USP43: variants seen among roughly 807,000 people sequenced by gnomAD.
USP43 encodes the protein ubiquitin specific peptidase 43, also known as ubiquitin carboxyl-terminal hydrolase 43.
Under a neutral mutation model 90.7 loss-of-function variants are expected in USP43, and 33 were observed. That is an observed-to-expected ratio of 0.36 (90% CI 0.28 to 0.49). The LOEUF (loss-of-function observed/expected upper bound fraction) is 0.49. USP43 is among the 20% of genes least tolerant of loss of function. The pLI, the probability that USP43 is intolerant of heterozygous loss-of-function variation, is 0.98. For missense variants in USP43, 1,274 were observed against 1,476.4 expected (o/e 0.86, Z 2.25); for synonymous variants, 598 against 615.8 (o/e 0.97, Z 0.43).
chr17:9,651,332 C>T (rs1280816511), intron 1 of USP43, among the ~76,000 whole-genome samples: 1 of 152,136 alleles, frequency 6.6e-6, no homozygotes, highest in Non-Finnish European at 1.5e-5. Context: ...GCTGGGACTA[C>T]AGGCGCGCGC....
chr17:9,672,700 C>T (rs187723521), intron 3 of USP43, among the ~76,000 whole-genome samples: 10 of 152,268 alleles, frequency 6.6e-5, no homozygotes, highest in Admixed American at 6.5e-4. Flanking sequence ...TGATACAATG[C>T]TTTCAACAAA....
chr17:9,664,994 T>C (rs965536464), intron 2 of USP43, among the ~76,000 whole-genome samples: 1 of 152,202 alleles, frequency 6.6e-6, no homozygotes, highest in African/African-American at 2.4e-5. Flanking sequence ...TGAGTGGCTT[T>C]GATTCTGGGA....
chr17:9,650,748 C>T (rs751481481), intron 1 of USP43, among the ~76,000 whole-genome samples: 10 of 152,130 alleles, frequency 6.6e-5, no homozygotes, highest in Non-Finnish European at 1.2e-4. Flanking sequence ...TGGCAATTTT[C>T]AGGTATATAA....
Position 9,674,912 on chromosome 17 carries a change from C to G in USP43, c.762C>G (p.His254Gln), listed in dbSNP as rs1913666040. ...AQYRSSLTCP[H>Q]CLKQSNTFDP... The stretch of plus-strand genomic sequence containing the variant: ...ACAGATCTTCCTTGACTTGTCCCCA[C>G]TGCCTGAAACAGAGCAACACCTTTG... The change falls in exon 4 of 15, where the codon CAC becomes CAG. Residue 254 changes from histidine (H) to glutamine (Q), a missense_variant. His to Gln is a conservative substitution (Grantham distance 24). This residue lies in a region of USP43 where 259 missense variants were observed against 373.7 expected (regional missense o/e 0.69). Transcript: ENST00000285199. The surrounding 1 kb of genome is among the most constrained non-coding windows in gnomAD (Gnocchi z 4.4). 1 of 1,613,948 alleles carries G rather than the reference C, an allele frequency of 6.2e-7. No homozygotes were observed. Among genetic ancestry groups the G allele is most frequent in the South Asian group, 1.1e-5 (1 of 91,090 alleles).
At chr17:9,672,450 C>A (rs1338183202) in intron 3 of USP43, among the ~76,000 whole-genome samples, 1 of 152,100 alleles carries the variant, frequency 6.6e-6, no homozygotes, top group Non-Finnish European at 1.5e-5. Flanking sequence ...AAAATGCAAC[C>A]CAGCATAGTT....
intron 14 of USP43, among the ~76,000 whole-genome samples, chr17:9,713,182 G>A (rs1009578771): frequency 2.0e-5 from 3 of 151,946 alleles, no homozygotes; most frequent in African/African-American, 4.8e-5. Context: ...TCTGCCTCCC[G>A]GGTTCGAGCA....
Position 9,711,982 on chromosome 17 carries a change from T to A in USP43, c.2185T>A (p.Ser729Thr), listed in dbSNP as rs766003872. ...TTCCTCCACAGGCTCTACCAGCTCCTCCCTGTCTGATCACTGGCTCTTACG... is the reference window on the plus strand; with the variant it reads ...TTCCTCCACAGGCTCTACCAGCTCCACCCTGTCTGATCACTGGCTCTTACG... ...SSSMRGSTSS[S>T]LSDHWLLRLG... The change falls in exon 14 of 15, where the codon TCC (serine) becomes ACC (threonine). Residue 729 changes from serine to threonine, a missense_variant. Physicochemically the swap from Ser to Thr is moderately conservative, Grantham distance 58. This residue lies in a region of USP43 where 285 missense variants were observed against 349.6 expected (regional missense o/e 0.82). Coordinates refer to ENST00000285199, the MANE Select transcript of USP43 (RefSeq NM_153210.5). 2 of 1,609,430 alleles carry A rather than the reference T, an allele frequency of 1.2e-6. No individual in the cohort carries two copies. Among genetic ancestry groups the A allele is most frequent in the Middle Eastern group, 1.7e-4 (1 of 5,898 alleles).
At chr17:9,690,777 C>T (rs1212048736) in intron 8 of USP43, among the ~76,000 whole-genome samples, 4 of 151,928 alleles carry the variant, frequency 2.6e-5, no homozygotes, top group Admixed American at 6.6e-5. Flanking sequence ...CCCAGCTACT[C>T]GGGAGGCTGA....
intron 8 of USP43, among the ~76,000 whole-genome samples, chr17:9,692,777 G>A (rs1915034236): frequency 6.6e-6 from 1 of 152,018 alleles, no homozygotes; most frequent in Admixed American, 6.6e-5. Context: ...TAATAAAGTA[G>A]GTTAAGTTAC....
Position 9,659,393 on chromosome 17 carries a change from T to C in USP43, c.636+2859T>C, listed in dbSNP as rs188537400. 3.3e-3 allele frequency among the ~76,000 whole-genome samples: 503 copies of C among 152,296 alleles called. 4 individuals carry two copies. The highest frequency in any genetic ancestry group is 0.012 in the African/African-American group (489 of 41,544). On this transcript the variant is annotated intron_variant, in intron 2 of 14. Transcript: ENST00000285199. ...TTAATGGAAATTTAGGTTAAGTTGC[T>C]CAAGGTCACTCAACTTCTACTTGGT...
rs1039977841 is a variant in USP43 at position 9,645,810 on chromosome 17, G to A, written c.178G>A (p.Gly60Ser). ...ACACTGTGATGGCGACGGTGAGGGG[G>A]GCTTCGCCTGCGCCCCGGGCCCAGT... ...PGHCDGDGEG[G>S]FACAPGPVPA... Residue 60 changes from glycine to serine, a missense_variant, in exon 1 of 15, where the codon GGC becomes AGC. By Grantham distance (56) the Gly-to-Ser change is moderately conservative (BLOSUM62 0). Around this residue, in one of 6 missense-constraint regions of USP43, gnomAD observed 112 missense variants for 106.6 expected, o/e 1.05. Transcript: ENST00000285199. The surrounding 1 kb of genome is among the most constrained non-coding windows in gnomAD (Gnocchi z 6.8). 9 of 1,389,326 alleles carry A rather than the reference G, an allele frequency of 6.5e-6. No homozygotes were observed. The South Asian group carries it at 6.8e-5, about 10-fold the overall frequency. 86.1% of individuals were successfully genotyped at this position (1,389,326 alleles called of 1,614,324 possible). A position where few individuals can be genotyped will look rare whatever the true frequency, so the allele number is the denominator to read the frequency against.
In USP43 at chr17:9,681,179, A is replaced by AGTATATT. The variant is rs1326493247; in HGVS notation, c.1105+813_1105+814insGTATATT. Among the ~76,000 whole-genome samples, 6 of 57,754 alleles carry AGTATATT rather than the reference A, an allele frequency of 1.0e-4. 1 individual carries two copies. The highest frequency in any genetic ancestry group is 1.1e-4 in the Non-Finnish European group (4 of 35,194). 37.9% of individuals were successfully genotyped at this position (57,754 alleles called of 152,430 possible). A position where few individuals can be genotyped will look rare whatever the true frequency, so the allele number is the denominator to read the frequency against. On this transcript the variant is annotated intron_variant, in intron 6 of 14. Transcript: ENST00000285199. ...ATATACTATATAATATATACTATAT[A>AGTATATT]ATATACTATATAATATATACTATAT...
chr17:9,664,031 C>G (rs1161086769), intron 2 of USP43, among the ~76,000 whole-genome samples: 1 of 152,178 alleles, frequency 6.6e-6, no homozygotes, highest in Non-Finnish European at 1.5e-5. Context: ...CACTTTCCAG[C>G]CCTGTTTTCT....
intron 14 of USP43, among the ~76,000 whole-genome samples, chr17:9,721,970 A>G (rs567851496): frequency 6.6e-6 from 1 of 151,230 alleles, no homozygotes; most frequent in Non-Finnish European, 1.5e-5. Flanking sequence ...CAAACTCCTC[A>G]GGTGATCCAC....
Position 9,656,450 on chromosome 17 carries a change from C to T in USP43, c.552C>T (p.His184=), listed in dbSNP as rs370289493. The change falls in exon 2 of 15, where the codon CAC becomes CAT. Residue 184 remains histidine (H), a synonymous_variant. Transcript: ENST00000285199. ...YGSQFQGNSQ[H]DALEFLLWLL... The stretch of plus-strand genomic sequence containing the variant: ...CTCAGTTCCAAGGCAATTCCCAGCA[C>T]GACGCCCTGGAATTCCTGCTCTGGT... The T allele has an allele frequency of 6.2e-6, 10 of 1,610,408 alleles. No individual in the cohort carries two copies. The highest frequency in any genetic ancestry group is 3.3e-5 in the South Asian group (3 of 90,096).
In USP43 at chr17:9,656,394, T is replaced by C. The variant is rs1441320922; in HGVS notation, c.505-9T>C. On this transcript the variant is annotated splice_polypyrimidine_tract_variant and intron_variant, in intron 1 of 14. Transcript: ENST00000285199. ...AAATTCACCTCTCGATTTCCTTTTT[T>C]CCTTTCAGAATGCAGTTTCCAAGTA... 2.5e-6 allele frequency: 4 copies of C among 1,609,694 alleles called. No individual in the cohort carries two copies. Among genetic ancestry groups the C allele is most frequent in the East Asian group, 2.2e-5 (1 of 44,788 alleles).
At chr17:9,678,441 C>A (rs1299635207) in intron 5 of USP43, among the ~76,000 whole-genome samples, 1 of 152,180 alleles carries the variant, frequency 6.6e-6, no homozygotes, top group Non-Finnish European at 1.5e-5. Context: ...ACTGCAACCT[C>A]CGCCTCCCAG....
intron 5 of USP43, among the ~76,000 whole-genome samples, chr17:9,679,516 CTTTT>C (rs544977324): frequency 4.9e-5 from 4 of 82,306 alleles, no homozygotes; most frequent in Non-Finnish European, 6.4e-5. Context: ...TGAAATGCAT[CTTTT>C]TTTTTTTTTT....
In USP43 at chr17:9,686,814, C is replaced by A; in HGVS notation, c.1258C>A (p.Leu420Met). 1.9e-6 allele frequency: 3 copies of A among 1,613,930 alleles called. No individual in the cohort carries two copies. The South Asian group carries it at 3.3e-5, about 18-fold the overall frequency. The part of the protein sequence containing the change: ...QQASRFGPPF[L>M]IREDRAVSWA... ...GATTTTCAGGTTTGGGCCACCCTTC[C>A]TGATAAGGGAAGACAGAGCTGTTTC... Residue 420 changes from leucine (L) to methionine (M), a missense_variant, in exon 8 of 15, where the codon CTG becomes ATG. Physicochemically the swap from Leu to Met is conservative, Grantham distance 15. Transcript: ENST00000285199. The surrounding 1 kb of genome is among the most constrained non-coding windows in gnomAD (Gnocchi z 5.5).
Sources: allele counts gnomAD v4.1 joint callset (sites outside exome capture counted in the v4.1 genomes callset), GRCh38; gene constraint gnomAD v4.1.1; regional missense constraint gnomAD v4.1.1; non-coding constraint Gnocchi (gnomAD v3.1); transcripts MANE v1.5; gene names NCBI Gene and HGNC (gene_info 2026-07-23, HGNC 2026-07-21).